Variants in GRM7 observed in about 807,000 individuals in gnomAD.
GRM7 encodes glutamate metabotropic receptor 7.
In GRM7, 35 loss-of-function variants were observed where a neutral mutation model predicts 84.5. The observed-to-expected ratio is 0.41, with a 90% CI of 0.32 to 0.55. GRM7 has a LOEUF of 0.55. Ranked by LOEUF, GRM7 falls within the 20% of genes least tolerant of loss-of-function variation. The pLI is 0.19. For missense variants in GRM7, 1,003 were observed against 1,194.6 expected (o/e 0.84, Z 2.36); for synonymous variants, 487 against 455.1 (o/e 1.07, Z -0.89).
intron 4 of GRM7, among the ~76,000 whole-genome samples, chr3:7,317,597 C>A (rs1194502690): frequency 6.6e-6 from 1 of 152,038 alleles, no homozygotes; most frequent in African/African-American, 2.4e-5. Flanking sequence ...CTGGAGTTAA[C>A]CTACATCAGT....
At position 7,455,529 on chromosome 3, in the gene GRM7, G is replaced by A. The variant is rs113849378; in HGVS notation, c.1375+2722G>A. ...GATATGATACACTGGCATGCTTACA[G>A]CATCGCTTCTGAGGTTTTACTGCCA... On this transcript the variant is annotated intron_variant, in intron 6 of 9. Coordinates refer to ENST00000357716, the MANE Select transcript of GRM7 (RefSeq NM_000844.4). Among the ~76,000 whole-genome samples, 778 of 152,236 alleles carry A rather than the reference G, an allele frequency of 5.1e-3. 10 individuals are homozygous for A. The highest frequency in any genetic ancestry group is 0.017 in the African/African-American group (722 of 41,558).
intron 2 of GRM7, among the ~76,000 whole-genome samples, chr3:7,189,585 A>G (rs1697630688): frequency 6.6e-6 from 1 of 152,182 alleles, no homozygotes; most frequent in South Asian, 2.1e-4. Context: ...GCTTAGCAAC[A>G]GCTGATTATA....
At chr3:7,364,732 G>A (rs1693807886) in intron 4 of GRM7, among the ~76,000 whole-genome samples, 1 of 151,750 alleles carries the variant, frequency 6.6e-6, no homozygotes, top group Non-Finnish European at 1.5e-5. Flanking sequence ...AGATTTTGTG[G>A]AATGCTGTAA....
intron 7 of GRM7, among the ~76,000 whole-genome samples, chr3:7,493,825 G>C (rs1042471683): frequency 3.3e-5 from 5 of 151,932 alleles, no homozygotes; most frequent in Non-Finnish European, 5.9e-5. Flanking sequence ...CAGTGTTTGT[G>C]AGTGTATCTG....
chr3:7,385,799 C>CT (rs1694764678), intron 4 of GRM7, among the ~76,000 whole-genome samples: 1 of 152,080 alleles, frequency 6.6e-6, no homozygotes, highest in Non-Finnish European at 1.5e-5. Context: ...TTGGCAGAAG[C>CT]CAAATATTAA....
chr3:7,545,066 A>G (rs1693079628), intron 7 of GRM7, among the ~76,000 whole-genome samples: 1 of 152,230 alleles, frequency 6.6e-6, no homozygotes, highest in African/African-American at 2.4e-5. Flanking sequence ...TGGATGGGTG[A>G]CTGAGTGAAT....
At chr3:7,232,349 T>C (rs1262369664) in intron 2 of GRM7, among the ~76,000 whole-genome samples, 1 of 152,154 alleles carries the variant, frequency 6.6e-6, no homozygotes, top group Non-Finnish European at 1.5e-5. Flanking sequence ...AAAGTGGGAA[T>C]GAGACTGTTG....
intron 1 of GRM7, among the ~76,000 whole-genome samples, chr3:7,020,102 A>T (rs1251009340): frequency 1.3e-5 from 2 of 152,166 alleles, no homozygotes; most frequent in Admixed American, 1.3e-4. Flanking sequence ...CCGCCTCAGC[A>T]TCCCAAAGTG....
At chr3:7,365,669 A>ATG in intron 4 of GRM7, among the ~76,000 whole-genome samples, 1 of 146,528 alleles carries the variant, frequency 6.8e-6, no homozygotes, top group Non-Finnish European at 1.5e-5. Context: ...ATATATACAC[A>ATG]CACGCACACA....
chr3:7,059,221 T>C (rs1451854673), intron 1 of GRM7, among the ~76,000 whole-genome samples: 1 of 150,578 alleles, frequency 6.6e-6, no homozygotes, highest in African/African-American at 2.4e-5. Flanking sequence ...ATATATTTTT[T>C]CAGTAGGACA....
intron 2 of GRM7, among the ~76,000 whole-genome samples, chr3:7,289,559 A>G (rs934451117): frequency 1.3e-5 from 2 of 152,166 alleles, no homozygotes; most frequent in Admixed American, 6.6e-5. Flanking sequence ...ACATGCACAT[A>G]TATGTTTATT....
intron 1 of GRM7, among the ~76,000 whole-genome samples, chr3:7,042,893 T>C (rs942027980): frequency 4.6e-5 from 7 of 152,238 alleles, no homozygotes; most frequent in Admixed American, 1.3e-4. Flanking sequence ...AAGATTTTTA[T>C]ATTTTTACAA....
At chr3:6,891,663 A>G (rs1371098377) in intron 1 of GRM7, among the ~76,000 whole-genome samples, 1 of 152,018 alleles carries the variant, frequency 6.6e-6, no homozygotes, top group Non-Finnish European at 1.5e-5. Context: ...GCTGCCCTTA[A>G]CATTTTTTCC....
intron 9 of GRM7, among the ~76,000 whole-genome samples, chr3:7,730,207 C>A (rs1054630512): frequency 6.6e-6 from 1 of 151,674 alleles, no homozygotes. Context: ...AGGGTTTCAC[C>A]ATGTTGGCCA....
At chr3:7,217,300 A>G (rs1275936242) in intron 2 of GRM7, among the ~76,000 whole-genome samples, 1 of 152,142 alleles carries the variant, frequency 6.6e-6, no homozygotes, top group Non-Finnish European at 1.5e-5. Flanking sequence ...GTACTGACTG[A>G]CCTAATTCCC....
intron 7 of GRM7, among the ~76,000 whole-genome samples, chr3:7,481,374 T>C (rs1190975464): frequency 6.6e-6 from 1 of 152,164 alleles, no homozygotes; most frequent in Non-Finnish European, 1.5e-5. Flanking sequence ...ATTATATGCA[T>C]GAAACACTGC....
intron 7 of GRM7, among the ~76,000 whole-genome samples, chr3:7,552,069 C>T (rs1423857315): frequency 6.6e-6 from 1 of 152,128 alleles, no homozygotes; most frequent in Non-Finnish European, 1.5e-5. Flanking sequence ...GAAACCACTC[C>T]CATAATTCAA....
intron 1 of GRM7, among the ~76,000 whole-genome samples, chr3:7,093,419 C>T (rs1698736656): frequency 6.6e-6 from 1 of 151,772 alleles, no homozygotes; most frequent in African/African-American, 2.4e-5. Flanking sequence ...GTGGCTCATA[C>T]CTGCAATCCA....
chr3:7,411,967 TCTCCC>T (rs778706188), intron 4 of GRM7, among the ~76,000 whole-genome samples: 5 of 152,060 alleles, frequency 3.3e-5, no homozygotes, highest in Non-Finnish European at 2.9e-5. Context: ...TTCTCTCTTC[TCTCCC>T]CTCCCCTCCC....
Sources: allele counts gnomAD v4.1 joint callset (sites outside exome capture counted in the v4.1 genomes callset), GRCh38; gene constraint gnomAD v4.1.1; transcripts MANE v1.5; gene names NCBI Gene and HGNC (gene_info 2026-07-23, HGNC 2026-07-21).